Variants in BAIAP2L1 observed in about 807,000 individuals in gnomAD.
BAIAP2L1 encodes BAR/IMD domain containing adaptor protein 2 like 1, also known as BAR/IMD domain-containing adapter protein 2-like 1.
Under a neutral mutation model 66.3 loss-of-function variants are expected in BAIAP2L1, and 35 were observed. The observed-to-expected ratio is 0.53, with a 90% CI of 0.40 to 0.70. The LOEUF (loss-of-function observed/expected upper bound fraction) is 0.70, where lower values mean the gene tolerates loss of function less well. BAIAP2L1 is among the 30% of genes least tolerant of loss of function. The pLI, the probability that BAIAP2L1 is intolerant of heterozygous loss-of-function variation, is 0.00. For missense variants in BAIAP2L1, 622 were observed against 656.9 expected, an observed-to-expected ratio of 0.95 and a Z score of 0.58; for synonymous variants, 269 against 248.7, an observed-to-expected ratio of 1.08 and a Z score of -0.77.
intron 1 of BAIAP2L1, among the ~76,000 whole-genome samples, chr7:98,393,064 C>A: frequency 1.2e-5 from 1 of 81,822 alleles, no homozygotes; most frequent in South Asian, 4.2e-4. Context: ...TATATGTACA[C>A]ATATATGTAT....
intron 3 of BAIAP2L1, among the ~76,000 whole-genome samples, chr7:98,334,303 G>A (rs1435947649): frequency 1.3e-5 from 2 of 152,172 alleles, no homozygotes; most frequent in Non-Finnish European, 2.9e-5. Context: ...TATAGGAACA[G>A]GCTTACTCTG....
chr7:98,364,785 G>A lies in BAIAP2L1; in HGVS notation c.52-2353C>T, dbSNP rs145996390. Among the ~76,000 whole-genome samples the A allele has an allele frequency of 5.7e-3, 869 of 151,536 alleles. 17 individuals are homozygous for A. The highest frequency in any genetic ancestry group is 0.02 in the African/African-American group (819 of 41,310). On this transcript the variant is annotated intron_variant, in intron 1 of 13. Coordinates refer to ENST00000005260, the MANE Select transcript of BAIAP2L1 (RefSeq NM_018842.5). ...TCACCACTTGAGCCCAGGAGTTTGC[G>A]ACCAACCTGGACAACATATCGAGAC...
rs1156969996 is a variant in BAIAP2L1, at chr7:98,393,721, G to A, written c.51+7081C>T. 4.7e-5 allele frequency among the ~76,000 whole-genome samples: 7 copies of A among 150,258 alleles called. No individual in the cohort carries two copies. In the South Asian group the frequency reaches 8.4e-4, roughly 18 times the overall value. On this transcript the variant is annotated intron_variant, in intron 1 of 13. Coordinates refer to ENST00000005260, the MANE Select transcript of BAIAP2L1 (RefSeq NM_018842.5). ...ACTGTGGTCTTGATCTCCTGACTTC[G>A]CAATCCGCCCGCCTCGGCCTCCCAA...
chr7:98,390,969 G>A (rs1263258551), intron 1 of BAIAP2L1, among the ~76,000 whole-genome samples: 1 of 151,040 alleles, frequency 6.6e-6, no homozygotes, highest in East Asian at 2.0e-4. Flanking sequence ...GAGTAGCTGG[G>A]ACTACAGGCG....
Position 98,300,412 on chromosome 7 carries a change from C to T in BAIAP2L1, c.1422+3784G>A, listed in dbSNP as rs554759371. Among the ~76,000 whole-genome samples, 28 of 152,284 alleles carry T rather than the reference C, an allele frequency of 1.8e-4. 1 individual carries two copies. Among genetic ancestry groups the T allele is most frequent in the African/African-American group, 5.1e-4 (21 of 41,560 alleles). ...GAGTGCTGTCTACAGAGGCTGGATG[C>T]GGGTGACAGTTGCAGTCCCTCCCCG... On this transcript the variant is annotated intron_variant, in intron 12 of 13. Transcript: ENST00000005260.
chr7:98,297,613 G>A (rs568743452), intron 12 of BAIAP2L1, among the ~76,000 whole-genome samples: 44 of 152,284 alleles, frequency 2.9e-4, no homozygotes, highest in Non-Finnish European at 2.2e-4. Context: ...TCTGTGGCCC[G>A]GACTTGTCTT....
At chr7:98,364,857 T>C (rs991601894) in intron 1 of BAIAP2L1, among the ~76,000 whole-genome samples, 9 of 151,118 alleles carry the variant, frequency 6.0e-5, no homozygotes, top group Admixed American at 6.0e-4. Context: ...GGTGGTGGCT[T>C]GTGGCTGTGG....
chr7:98,330,384 G>A (rs1431284335), intron 3 of BAIAP2L1, among the ~76,000 whole-genome samples: 11 of 152,174 alleles, frequency 7.2e-5, no homozygotes, highest in South Asian at 4.1e-4. Context: ...TAGGCCAGGC[G>A]TGGTGGCTCA....
At position 98,355,059 on chromosome 7, in the gene BAIAP2L1, GGGGACCCAGT is replaced by G; in HGVS notation, c.187_196del (p.Thr63ProfsTer11). The G allele has an allele frequency of 6.2e-7, 1 of 1,613,726 alleles. No homozygotes were observed. The highest frequency in any genetic ancestry group is 8.5e-7 in the Non-Finnish European group (1 of 1,179,634). Reference sequence around the variant, plus strand: ...TCGCTCACCCAGTTCAGTTGACACGGGGGACCCAGTGGCAATCTCACCGATCTTGGCCACT... The same window carrying G: ...TCGCTCACCCAGTTCAGTTGACACGGGGCAATCTCACCGATCTTGGCCACT... On this transcript the variant is annotated frameshift_variant, in exon 3 of 14. Coordinates refer to ENST00000005260, the MANE Select transcript of BAIAP2L1 (RefSeq NM_018842.5). LOFTEE classifies it high-confidence loss of function.
At chr7:98,337,017 C>T (rs1405257692) in intron 3 of BAIAP2L1, among the ~76,000 whole-genome samples, 1 of 152,166 alleles carries the variant, frequency 6.6e-6, no homozygotes, top group Non-Finnish European at 1.5e-5. Context: ...GAGAGGACTG[C>T]TGTGAAAACT....
intron 3 of BAIAP2L1, among the ~76,000 whole-genome samples, chr7:98,353,747 G>C (rs1212289371): frequency 6.8e-6 from 1 of 147,794 alleles, no homozygotes; most frequent in Non-Finnish European, 1.5e-5. Context: ...ATCACCTGAG[G>C]TCAGGAGTTC....
rs111375348 is a variant in BAIAP2L1 at position 98,299,763 on chromosome 7, G to A, written c.1422+4433C>T. On this transcript the variant is annotated intron_variant, in intron 12 of 13. Transcript: ENST00000005260. ...ATGGCTACTTAAAATAAAATTTGCC[G>A]GGCGCAGTGACTCACGCCTATATTC... Among the ~76,000 whole-genome samples, 906 of 152,268 alleles carry A rather than the reference G, an allele frequency of 6.0e-3. 18 individuals are homozygous for A. Among genetic ancestry groups the A allele is most frequent in the African/African-American group, 0.02 (842 of 41,554 alleles).
Position 98,306,353 on chromosome 7 carries a change from G to T in BAIAP2L1, c.1241+86C>A. 2.0e-6 allele frequency: 3 copies of T among 1,509,156 alleles called. No individual in the cohort carries two copies. In the East Asian group the frequency reaches 6.8e-5, roughly 34 times the overall value. 93.5% of individuals were successfully genotyped at this position (1,509,156 alleles called of 1,614,324 possible). Reference sequence around the variant, plus strand: ...AGAGCTGAGGCTTAGGGCAGGGCCTGCGACACAGCTAGATGGTGGTGTGTT... The same window carrying T: ...AGAGCTGAGGCTTAGGGCAGGGCCTTCGACACAGCTAGATGGTGGTGTGTT... On this transcript the variant is annotated intron_variant, in intron 11 of 13. Coordinates refer to ENST00000005260, the MANE Select transcript of BAIAP2L1 (RefSeq NM_018842.5).
intron 1 of BAIAP2L1, among the ~76,000 whole-genome samples, chr7:98,394,699 T>G (rs1426219761): frequency 6.6e-6 from 1 of 152,206 alleles, no homozygotes; most frequent in Non-Finnish European, 1.5e-5. Flanking sequence ...AATATTTGAA[T>G]GTCTAATACT....
At chr7:98,331,465 CTT>C (rs34202570) in intron 3 of BAIAP2L1, among the ~76,000 whole-genome samples, 34 of 115,666 alleles carry the variant, frequency 2.9e-4, no homozygotes, top group East Asian at 5.1e-4. Flanking sequence ...AAAGAAAAAT[CTT>C]TTTTTTTTTT....
At chr7:98,332,804 G>A (rs1244292750) in intron 3 of BAIAP2L1, among the ~76,000 whole-genome samples, 5 of 69,614 alleles carry the variant, frequency 7.2e-5, no homozygotes, top group East Asian at 3.2e-4. Flanking sequence ...ATGAGACTTC[G>A]TCCCCAAAAA....
chr7:98,365,991 C>A (rs539865659), intron 1 of BAIAP2L1, among the ~76,000 whole-genome samples: 2 of 152,116 alleles, frequency 1.3e-5, no homozygotes, highest in Non-Finnish European at 2.9e-5. Context: ...GCGTGCAGCC[C>A]GTCACTGCCG....
At chr7:98,304,684 A>AT (rs1392626065) in intron 11 of BAIAP2L1, among the ~76,000 whole-genome samples, 1 of 151,958 alleles carries the variant, frequency 6.6e-6, no homozygotes, top group African/African-American at 2.4e-5. Context: ...AGTAGCTGGG[A>AT]TTACAGGTGC....
rs575800228 is a variant in BAIAP2L1, at chr7:98,320,444, T to G, written c.215-146A>C. 1.5e-4 allele frequency: 95 copies of G among 634,606 alleles called. No homozygotes were observed. In the Middle Eastern group the frequency reaches 1.6e-3, roughly 11 times the overall value. 39.3% of individuals were successfully genotyped at this position (634,606 alleles called of 1,614,324 possible). On this transcript the variant is annotated intron_variant, in intron 3 of 13. Coordinates refer to ENST00000005260, the MANE Select transcript of BAIAP2L1 (RefSeq NM_018842.5). ...TCCGCCTCCCGGGTTCAAACTATTC[T>G]CCTGCCTCAGCCTCCCAAATAGCTG...
Sources: gnomAD v4.1 joint callset for allele counts (sites outside exome capture counted in the v4.1 genomes callset) on GRCh38, gnomAD v4.1.1 for gene constraint, MANE v1.5 for transcripts, NCBI Gene and HGNC (gene_info 2026-07-23, HGNC 2026-07-21) for gene names.